PCDH12: variants seen among roughly 807,000 people sequenced by gnomAD.
PCDH12 encodes protocadherin-12.
Under a neutral mutation model 70.9 loss-of-function variants are expected in PCDH12, and 45 were observed. The ratio of observed to expected loss-of-function variants is 0.63; its 90% confidence interval spans 0.50 to 0.81. The LOEUF is 0.81. Among genes scored for constraint, PCDH12 ranks in the 40% least tolerant of loss-of-function variants. The probability of loss-of-function intolerance (pLI) is 0.00; values close to 1 mark genes in which losing one functional copy is unlikely to be tolerated. For missense variants in PCDH12, 1,370 were observed against 1,491.7 expected, an observed-to-expected ratio of 0.92 and a Z score of 1.34; for synonymous variants, 567 against 626.0, an observed-to-expected ratio of 0.91 and a Z score of 1.41.
In PCDH12 at chr5:141,955,073, C is replaced by G; in HGVS notation, c.2779G>C (p.Gly927Arg). ...AGGCTCCGCAGGATCTGACGGGGCCCTGATTCTTTCTCAGGGGACACTTTG... is the reference window on the plus strand; with the variant it reads ...AGGCTCCGCAGGATCTGACGGGGCCGTGATTCTTTCTCAGGGGACACTTTG... ...NGKVSPEKESGPRQILRSLVR... is the reference protein window; with the variant it reads ...NGKVSPEKESRPRQILRSLVR... Residue 927 changes from glycine to arginine, a missense_variant, in exon 1 of 4, where the codon GGG becomes CGG. Coordinates refer to ENST00000231484, the MANE Select transcript of PCDH12 (RefSeq NM_016580.4). This position sits in a 1 kb window ranked among gnomAD's most constrained non-coding sequence, Gnocchi z 5.5. 1 of 1,614,202 alleles carries G rather than the reference C, an allele frequency of 6.2e-7. No homozygotes were observed. Among genetic ancestry groups the G allele is most frequent in the South Asian group, 1.1e-5 (1 of 91,082 alleles).
rs145191380 is a variant in PCDH12 at position 141,951,502 on chromosome 5, C to G, written c.2969G>C (p.Gly990Ala). ...HRGNKYLAKP[G>A]GSRSAIPDTD... Reference sequence around the variant, plus strand: ...GCTACGTGCTGCTTACCTGCTGCCTCCTGGCTTGGCCAAGTACTTATTTCC... The same window carrying G: ...GCTACGTGCTGCTTACCTGCTGCCTGCTGGCTTGGCCAAGTACTTATTTCC... Residue 990 changes from glycine (G) to alanine (A), a missense_variant, in exon 2 of 4, where the codon GGA becomes GCA. Physicochemically the swap from Gly to Ala is moderately conservative, Grantham distance 60. Coordinates refer to ENST00000231484, the MANE Select transcript of PCDH12 (RefSeq NM_016580.4). The G allele has an allele frequency of 1.5e-5, 24 of 1,614,044 alleles. No homozygotes were observed. Among genetic ancestry groups the G allele is most frequent in the East Asian group, 2.2e-5 (1 of 44,866 alleles).
intron 2 of PCDH12, among the ~76,000 whole-genome samples, chr5:141,951,192 C>T (rs150071501): frequency 2.7e-4 from 41 of 152,296 alleles, no homozygotes; most frequent in African/African-American, 8.2e-4. Flanking sequence ...TTTACAGCAC[C>T]TCTGTAATTG....
intron 3 of PCDH12, chr5:141,949,219 A>G (rs1753021256): frequency 3.2e-6 from 2 of 625,880 alleles, no homozygotes; most frequent in South Asian, 1.4e-4. Context: ...TGGGTGACAG[A>G]GCAAGACCCT....
At position 141,943,922 on chromosome 5, in the gene PCDH12, C is replaced by G. The variant is rs1000041136; in HGVS notation, c.*1459G>C. 1.2e-4 allele frequency: 19 copies of G among 152,172 alleles called. No individual in the cohort carries two copies. The highest frequency in any genetic ancestry group is 1.2e-3 in the Admixed American group (19 of 15,274). The allele number at this position is 152,172 out of a possible 1,614,324, so 9.4% of individuals were successfully genotyped here. ...CACTGTATTCCAAGTATGTATGATG[C>G]ACATTATCCCTAGTTGGGAGTATGA... On this transcript the variant is annotated 3_prime_UTR_variant, in exon 4 of 4. Transcript: ENST00000231484.
Position 141,957,407 on chromosome 5 carries a change from A to G in PCDH12, c.445T>C (p.Ser149Pro). The G allele has an allele frequency of 6.2e-7, 1 of 1,613,274 alleles. No individual in the cohort carries two copies. Among genetic ancestry groups the G allele is most frequent in the African/African-American group, 1.3e-5 (1 of 75,022 alleles). ...TCCAGGGGGATCCGGGTTCGCAGAG[A>G]GGCGCTCTCAGAGATTTCCAGCTCC... ...EQELEISESA[S>P]LRTRIPLDRA... is the part of the protein sequence containing the mutation. Residue 149 changes from serine (S) to proline (P), a missense_variant, in exon 1 of 4, where the codon TCT becomes CCT. By Grantham distance (74) the Ser-to-Pro change is moderately conservative. Coordinates refer to ENST00000231484, the MANE Select transcript of PCDH12 (RefSeq NM_016580.4). This position sits in a 1 kb window ranked among gnomAD's most constrained non-coding sequence, Gnocchi z 4.3.
At position 141,955,479 on chromosome 5, in the gene PCDH12, G is replaced by A. The variant is rs551542192; in HGVS notation, c.2373C>T (p.Val791=). The change falls in exon 1 of 4, where the codon GTC becomes GTT. Residue 791 remains valine (V), a synonymous_variant. Coordinates refer to ENST00000231484, the MANE Select transcript of PCDH12 (RefSeq NM_016580.4). This position sits in a 1 kb window ranked among gnomAD's most constrained non-coding sequence, Gnocchi z 5.5. ...LRGQAGEPCE[V]GQSHKDVDKE... is the part of the protein sequence containing the mutation. ...TGTCCACATCTTTGTGGGACTGCCC[G>A]ACTTCACAAGGCTCACCTGCCTGAC... is the stretch of plus-strand genomic sequence containing the variant. 33 of 1,614,076 alleles carry A rather than the reference G, an allele frequency of 2.0e-5. No homozygotes were observed. Among genetic ancestry groups the A allele is most frequent in the African/African-American group, 1.1e-4 (8 of 75,046 alleles).
chr5:141,957,632 C>G lies in PCDH12; in HGVS notation c.220G>C (p.Ala74Pro). The change falls in exon 1 of 4, where the codon GCG becomes CCG. Residue 74 changes from alanine to proline, a missense_variant. Coordinates refer to ENST00000231484, the MANE Select transcript of PCDH12 (RefSeq NM_016580.4). The surrounding 1 kb of genome is among the most constrained non-coding windows in gnomAD (Gnocchi z 4.3). ...TCAGAGTCCACCTGAATGGGGAGCGCCTGAGGCAGCTGCAACACCTGGAAG... is the reference window on the plus strand; with the variant it reads ...TCAGAGTCCACCTGAATGGGGAGCGGCTGAGGCAGCTGCAACACCTGGAAG... ...AAFQVLQLPQ[A>P]LPIQVDSEEG... 6.2e-7 allele frequency: 1 copy of G among 1,614,170 alleles called. No individual in the cohort carries two copies.
At position 141,945,565 on chromosome 5, in the gene PCDH12, C is replaced by G. The variant is rs1201731397; in HGVS notation, c.3371G>C (p.Arg1124Pro). 6.2e-7 allele frequency: 1 copy of G among 1,613,996 alleles called. No homozygotes were observed. The highest frequency in any genetic ancestry group is 2.2e-5 in the East Asian group (1 of 44,880). ...SSLLEMLLEQ[R>P]SSMPVEAASE... is the part of the protein sequence containing the mutation. ...GGCGGCCTCCACGGGCATGCTGGAGCGCTGTTCCAGCAGCATCTCCAGCAG... is the reference window on the plus strand; with the variant it reads ...GGCGGCCTCCACGGGCATGCTGGAGGGCTGTTCCAGCAGCATCTCCAGCAG... Residue 1124 changes from arginine (R) to proline (P), a missense_variant, in exon 4 of 4, where the codon CGC becomes CCC. Arg to Pro is a moderately radical substitution (Grantham distance 103, BLOSUM62 -2). Coordinates refer to ENST00000231484, the MANE Select transcript of PCDH12 (RefSeq NM_016580.4).
Position 141,953,740 on chromosome 5 carries a change from G to C in PCDH12, c.2880+1232C>G, listed in dbSNP as rs544737979. 3.3e-5 allele frequency among the ~76,000 whole-genome samples: 5 copies of C among 152,360 alleles called. No individual in the cohort carries two copies. In the South Asian group the frequency reaches 1.0e-3, roughly 32 times the overall value. On this transcript the variant is annotated intron_variant, in intron 1 of 3. Coordinates refer to ENST00000231484, the MANE Select transcript of PCDH12 (RefSeq NM_016580.4). ...TGGATGAATGGAAGGATAAATGAAT[G>C]GTTGGCTCTGGCAGCCTCTGGGTCT...
In PCDH12 at chr5:141,956,110, A is replaced by T; in HGVS notation, c.1742T>A (p.Val581Glu). 2 of 1,614,166 alleles carry T rather than the reference A, an allele frequency of 1.2e-6. No homozygotes were observed. The highest frequency in any genetic ancestry group is 1.7e-6 in the Non-Finnish European group (2 of 1,180,022). The change falls in exon 1 of 4, where the codon GTG becomes GAG. Residue 581 changes from valine (V) to glutamate (E), a missense_variant. Transcript: ENST00000231484. ...CAGCAGGTGGCCTGTGGAGGCATTC[A>T]CAAGCACGGAGAGGCTGGCTTTTCC... Reference protein sequence around the residue: ...SDGKASLSVLVNASTGHLLVP... With the variant: ...SDGKASLSVLENASTGHLLVP...
Position 141,955,697 on chromosome 5 carries a change from C to A in PCDH12, c.2155G>T (p.Val719Leu). 6.8e-6 allele frequency: 11 copies of A among 1,614,162 alleles called. No individual in the cohort carries two copies. The highest frequency in any genetic ancestry group is 6.8e-6 in the Non-Finnish European group (8 of 1,180,036). Residue 719 changes from valine to leucine, a missense_variant, in exon 1 of 4, where the codon GTG becomes TTG. Transcript: ENST00000231484. The surrounding 1 kb of genome is among the most constrained non-coding windows in gnomAD (Gnocchi z 5.5). ...CCCAACAGTACAGCCAGGCAGATCACCGTCAGCATCGACATGCTCAAGGCC... is the reference window on the plus strand; with the variant it reads ...CCCAACAGTACAGCCAGGCAGATCAACGTCAGCATCGACATGCTCAAGGCC... The part of the protein sequence containing the change: ...PGALSMSMLT[V>L]ICLAVLLGIF...
Position 141,944,530 on chromosome 5 carries a change from T to C in PCDH12, c.*851A>G, listed in dbSNP as rs766614007. The C allele has an allele frequency of 1.9e-4, 29 of 152,212 alleles. No homozygotes were observed. The highest frequency in any genetic ancestry group is 3.5e-4 in the Non-Finnish European group (24 of 68,058). The allele number at this position is 152,212 out of a possible 1,614,324, so 9.4% of individuals were successfully genotyped here. A position where few individuals can be genotyped will look rare whatever the true frequency, so the allele number is the denominator to read the frequency against. Reference sequence around the variant, plus strand: ...TCAAGGTTGAAGGCATGGGTTTTGGTGTTGGCCCAGCCTGGGTCCAAATCC... The same window carrying C: ...TCAAGGTTGAAGGCATGGGTTTTGGCGTTGGCCCAGCCTGGGTCCAAATCC... On this transcript the variant is annotated 3_prime_UTR_variant, in exon 4 of 4. Coordinates refer to ENST00000231484, the MANE Select transcript of PCDH12 (RefSeq NM_016580.4).
intron 2 of PCDH12, 91 bp downstream of exon 2, chr5:141,951,402 G>A (rs1441404313): frequency 1.0e-6 from 1 of 955,856 alleles, no homozygotes; most frequent in South Asian, 1.3e-5. Flanking sequence ...TGTCTGACTT[G>A]TGCTCACCCT....
intron 2 of PCDH12, 52 bp from the exon 3 acceptor site, chr5:141,949,635 A>T (rs368108569): frequency 3.8e-6 from 6 of 1,578,912 alleles, no homozygotes; most frequent in Non-Finnish European, 4.3e-6. Context: ...ATATAGATTC[A>T]TTCATTCATG....
At chr5:141,951,113 G>T (rs772874518) in intron 2 of PCDH12, among the ~76,000 whole-genome samples, 30 of 152,194 alleles carry the variant, frequency 2.0e-4, no homozygotes, top group Non-Finnish European at 4.0e-4. Context: ...CATGTCTTTA[G>T]TGGGGAGCCT....
In PCDH12 at chr5:141,945,307, G is replaced by A; in HGVS notation, c.*74C>T. ...GCCGCCGCTAGCTAGTGAGTTACAA[G>A]ATTTTAGAAACCAGCTCTTGTCCAC... On this transcript the variant is annotated 3_prime_UTR_variant, in exon 4 of 4. Coordinates refer to ENST00000231484, the MANE Select transcript of PCDH12 (RefSeq NM_016580.4). 1 of 1,514,472 alleles carries A rather than the reference G, an allele frequency of 6.6e-7. No homozygotes were observed. The highest frequency in any genetic ancestry group is 8.8e-7 in the Non-Finnish European group (1 of 1,130,394). 93.8% of individuals were successfully genotyped at this position (1,514,472 alleles called of 1,614,324 possible). A position where few individuals can be genotyped will look rare whatever the true frequency, so the allele number is the denominator to read the frequency against.
chr5:141,945,401 T>TGCTGCTGCTGCTGCTGCCGCC lies in PCDH12; in HGVS notation c.3534_3535insGGCGGCAGCAGCAGCAGCAGC (p.Ser1178_Ser1179insGlyGlySerSerSerSerSer). The TGCTGCTGCTGCTGCTGCCGCC allele has an allele frequency of 6.2e-7, 1 of 1,612,462 alleles. No homozygotes were observed. Among genetic ancestry groups the TGCTGCTGCTGCTGCTGCCGCC allele is most frequent in the Non-Finnish European group, 8.5e-7 (1 of 1,179,256 alleles). ...TATGTTCACAGGCACCTGCTGCTGC[T>TGCTGCTGCTGCTGCTGCCGCC]GCTGCTGCCTCTGCTCTTGCCCTCA... On this transcript the variant is annotated inframe_insertion, in exon 4 of 4. Transcript: ENST00000231484.
At chr5:141,947,402 C>A (rs781188475) in intron 3 of PCDH12, among the ~76,000 whole-genome samples, 19 of 152,142 alleles carry the variant, frequency 1.2e-4, no homozygotes, top group Non-Finnish European at 2.2e-4. Flanking sequence ...TTACATGGGT[C>A]AGAGAGCTTC....
Position 141,957,000 on chromosome 5 carries a change from A to G in PCDH12, c.852T>C (p.Ser284=). The change falls in exon 1 of 4, where the codon AGT becomes AGC. Residue 284 remains serine, a synonymous_variant. Transcript: ENST00000231484. ...GPNGEVEFFL[S]KHMPPEVLDT... ...CCAGCACCTCTGGAGGCATGTGCTT[A>G]CTGAGGAAGAACTCCACCTCCCCAT... 6.2e-7 allele frequency: 1 copy of G among 1,614,190 alleles called. No homozygotes were observed. Among genetic ancestry groups the G allele is most frequent in the South Asian group, 1.1e-5 (1 of 91,082 alleles).
Sources: allele counts gnomAD v4.1 joint callset (sites outside exome capture counted in the v4.1 genomes callset), GRCh38; gene constraint gnomAD v4.1.1; non-coding constraint Gnocchi (gnomAD v3.1); transcripts MANE v1.5; gene names NCBI Gene and HGNC (gene_info 2026-07-23, HGNC 2026-07-21).